Variants in PTPRK observed in about 807,000 individuals in gnomAD.
The protein encoded by PTPRK is receptor-type tyrosine-protein phosphatase kappa.
In PTPRK, 75 loss-of-function variants were observed where a neutral mutation model predicts 178.0. That is an observed-to-expected ratio of 0.42 (90% CI 0.35 to 0.51). PTPRK has a LOEUF of 0.51. PTPRK is among the 20% of genes least tolerant of loss of function. The pLI is 0.02. For missense variants in PTPRK, 1,441 were observed against 1,797.8 expected, an observed-to-expected ratio of 0.80 and a Z score of 3.59; for synonymous variants, 637 against 620.6, an observed-to-expected ratio of 1.03 and a Z score of -0.39.
At chr6:128,243,323 T>A (rs1316039123) in intron 3 of PTPRK, among the ~76,000 whole-genome samples, 1 of 151,736 alleles carries the variant, frequency 6.6e-6, no homozygotes, top group East Asian at 1.9e-4. Flanking sequence ...GTTTTGTAGT[T>A]ATAGTCAATA....
At chr6:128,115,234 T>C (rs1279763039) in intron 7 of PTPRK, among the ~76,000 whole-genome samples, 1 of 152,124 alleles carries the variant, frequency 6.6e-6, no homozygotes, top group Non-Finnish European at 1.5e-5. Context: ...TTACTCTTGG[T>C]TTCTAAGTCA....
intron 3 of PTPRK, among the ~76,000 whole-genome samples, chr6:128,278,176 A>C (rs975566876): frequency 2.9e-5 from 4 of 138,860 alleles, no homozygotes; most frequent in Non-Finnish European, 6.4e-5. Flanking sequence ...TATTTATTTG[A>C]GACGGAGTCT....
At chr6:128,380,537 C>CAT (rs1837736818) in intron 2 of PTPRK, among the ~76,000 whole-genome samples, 2 of 20,758 alleles carry the variant, frequency 9.6e-5, no homozygotes, top group South Asian at 0.015. Context: ...TACACACAGA[C>CAT]ATACACACAC....
chr6:128,330,527 C>T (rs528387570), intron 2 of PTPRK, among the ~76,000 whole-genome samples: 2 of 152,034 alleles, frequency 1.3e-5, no homozygotes, highest in Non-Finnish European at 2.9e-5. Context: ...TTTCTATTTT[C>T]AAGCTCTCTC....
At chr6:128,475,604 G>T (rs982618788) in intron 1 of PTPRK, among the ~76,000 whole-genome samples, 3 of 151,990 alleles carry the variant, frequency 2.0e-5, no homozygotes, top group Non-Finnish European at 4.4e-5. Flanking sequence ...AGGCCAACTG[G>T]CAAGTTTCAA....
intron 6 of PTPRK, among the ~76,000 whole-genome samples, chr6:128,204,655 T>C (rs933901581): frequency 1.0e-4 from 14 of 134,392 alleles, no homozygotes; most frequent in African/African-American, 3.6e-4. Context: ...CCAACAAACA[T>C]GAAAAAAAAA....
At chr6:128,426,238 GTA>G (rs1309732734) in intron 1 of PTPRK, among the ~76,000 whole-genome samples, 1 of 152,090 alleles carries the variant, frequency 6.6e-6, no homozygotes, top group African/African-American at 2.4e-5. Flanking sequence ...CCTCCAATGC[GTA>G]TTAGTATTTA....
intron 7 of PTPRK, among the ~76,000 whole-genome samples, chr6:128,140,122 T>A (rs1795565451): frequency 6.6e-6 from 1 of 151,964 alleles, no homozygotes; most frequent in Admixed American, 6.6e-5. Flanking sequence ...TCCTTAGCAC[T>A]CACATTATTT....
chr6:128,027,304 A>G (rs1774474503), intron 13 of PTPRK, among the ~76,000 whole-genome samples: 1 of 152,218 alleles, frequency 6.6e-6, no homozygotes, highest in East Asian at 1.9e-4. Context: ...ACCAAAAGGT[A>G]TTTATTGCCC....
In PTPRK at chr6:128,089,304, T is replaced by C. The variant is rs9402017; in HGVS notation, c.1465+386A>G. Among the ~76,000 whole-genome samples the C allele has an allele frequency of 0.033, 4,969 of 152,310 alleles. 399 individuals carry two copies. The East Asian group carries it at 0.36, about 11-fold the overall frequency. Reference sequence around the variant, plus strand: ...CAAATGTGAGAAAAATAAAAACAGCTACTATTGGTTTATAAAATACAAAAA... The same window carrying C: ...CAAATGTGAGAAAAATAAAAACAGCCACTATTGGTTTATAAAATACAAAAA... On this transcript the variant is annotated intron_variant, in intron 8 of 29. Coordinates refer to ENST00000368226, the MANE Select transcript of PTPRK (RefSeq NM_002844.4).
intron 1 of PTPRK, among the ~76,000 whole-genome samples, chr6:128,479,366 G>A (rs1451326504): frequency 5.3e-5 from 8 of 152,096 alleles, no homozygotes; most frequent in Admixed American, 3.9e-4. Context: ...AGATCACTGC[G>A]AGCTTGCTTT....
intron 13 of PTPRK, among the ~76,000 whole-genome samples, chr6:128,033,095 G>C (rs1420666057): frequency 6.6e-6 from 1 of 152,160 alleles, no homozygotes; most frequent in African/African-American, 2.4e-5. Flanking sequence ...GATAGATGTA[G>C]GAAATCTAGG....
chr6:128,037,893 C>T (rs1776492598), intron 13 of PTPRK, among the ~76,000 whole-genome samples: 1 of 152,148 alleles, frequency 6.6e-6, no homozygotes, highest in African/African-American at 2.4e-5. Context: ...TGAAATTTAA[C>T]ATTATTTTTT....
At chr6:128,125,566 G>T (rs769526380) in intron 7 of PTPRK, among the ~76,000 whole-genome samples, 1 of 146,764 alleles carries the variant, frequency 6.8e-6, no homozygotes, top group African/African-American at 2.5e-5. Context: ...TTATAGCAAT[G>T]CAAGAACAGA....
chr6:128,333,632 C>T (rs1305847995), intron 2 of PTPRK, among the ~76,000 whole-genome samples: 1 of 152,164 alleles, frequency 6.6e-6, no homozygotes, highest in Non-Finnish European at 1.5e-5. Context: ...GAGGGCCTTG[C>T]TCTGGATTAG....
chr6:128,226,796 A>ACATATATG (rs1554356223), intron 5 of PTPRK, among the ~76,000 whole-genome samples: 3 of 128,786 alleles, frequency 2.3e-5, no homozygotes, highest in African/African-American at 8.3e-5. Context: ...ATATATATAT[A>ACATATATG]TATTTCAATA....
intron 2 of PTPRK, among the ~76,000 whole-genome samples, chr6:128,385,111 A>G (rs1017370891): frequency 1.3e-5 from 2 of 148,844 alleles, no homozygotes; most frequent in African/African-American, 4.9e-5. Context: ...TAATATTAAT[A>G]ATTTTAAAAT....
intron 13 of PTPRK, among the ~76,000 whole-genome samples, chr6:128,056,552 G>A (rs575242905): frequency 6.6e-6 from 1 of 151,788 alleles, no homozygotes; most frequent in South Asian, 2.1e-4. Context: ...AGCCTCCCAA[G>A]TAGCTGGGAT....
intron 13 of PTPRK, among the ~76,000 whole-genome samples, chr6:128,050,498 G>A (rs1270821824): frequency 6.6e-6 from 1 of 152,020 alleles, no homozygotes; most frequent in Non-Finnish European, 1.5e-5. Context: ...GACTTTATTT[G>A]TCTCAACTGC....
Sources: allele counts gnomAD v4.1 joint callset (sites outside exome capture counted in the v4.1 genomes callset), GRCh38; gene constraint gnomAD v4.1.1; transcripts MANE v1.5; gene names NCBI Gene and HGNC (gene_info 2026-07-23, HGNC 2026-07-21).